The following ADGRV1 variants were observed in gnomAD, a reference collection of about 807,000 sequenced individuals.
ADGRV1 encodes G-protein coupled receptor 98.
Under a neutral mutation model 596.2 loss-of-function variants are expected in ADGRV1, and 359 were observed. The ratio of observed to expected loss-of-function variants is 0.60; its 90% CI spans 0.55 to 0.66. The LOEUF (loss-of-function observed/expected upper bound fraction) is 0.66. Ranked by LOEUF, ADGRV1 falls within the 30% of genes least tolerant of loss-of-function variation. The probability of loss-of-function intolerance (pLI) is 0.00; values close to 1 mark genes in which losing one functional copy is unlikely to be tolerated. For missense variants in ADGRV1, 7,274 were observed against 7,575.6 expected, an observed-to-expected ratio of 0.96 and a Z score of 1.48; for synonymous variants, 2,681 against 2,679.2, an observed-to-expected ratio of 1.00 and a Z score of -0.02.
At chr5:90,968,560 A>G (rs375510443) in intron 84 of ADGRV1, among the ~76,000 whole-genome samples, 28 of 152,206 alleles carry the variant, frequency 1.8e-4, no homozygotes, top group African/African-American at 6.7e-4. Context: ...TACACCACAC[A>G]TTTTTCATGG....
chr5:90,834,144 T>C (rs1033479587), intron 77 of ADGRV1, among the ~76,000 whole-genome samples: 2 of 152,204 alleles, frequency 1.3e-5, no homozygotes, highest in African/African-American at 4.8e-5. Flanking sequence ...CGTTCAGTGT[T>C]TAGTCTTTCT....
intron 83 of ADGRV1, among the ~76,000 whole-genome samples, chr5:90,904,117 A>G (rs905177627): frequency 1.3e-5 from 2 of 151,924 alleles, no homozygotes; most frequent in African/African-American, 4.8e-5. Context: ...GCTGAATAGT[A>G]CTCCATTGTG....
At chr5:90,923,567 A>C (rs1474142206) in intron 83 of ADGRV1, among the ~76,000 whole-genome samples, 3 of 152,168 alleles carry the variant, frequency 2.0e-5, no homozygotes. Flanking sequence ...CAAACAAAAC[A>C]ATACAGTCAG....
intron 21 of ADGRV1, among the ~76,000 whole-genome samples, chr5:90,661,662 A>T (rs1194573555): frequency 6.6e-6 from 1 of 152,194 alleles, no homozygotes; most frequent in Non-Finnish European, 1.5e-5. Context: ...GATGATCTGA[A>T]TATTTGGCAA....
chr5:90,785,070 A>T (rs912041053), intron 67 of ADGRV1, among the ~76,000 whole-genome samples: 3 of 152,184 alleles, frequency 2.0e-5, no homozygotes, highest in Non-Finnish European at 4.4e-5. Context: ...ACCAAAACAG[A>T]TATATAGACC....
chr5:91,040,942 C>G (rs371751032), intron 85 of ADGRV1, among the ~76,000 whole-genome samples: 12 of 152,206 alleles, frequency 7.9e-5, no homozygotes, highest in African/African-American at 2.9e-4. Context: ...CATCTTCTAC[C>G]CAATCTTCTC....
chr5:91,119,335 A>G (rs1793112664), intron 87 of ADGRV1, among the ~76,000 whole-genome samples: 1 of 152,202 alleles, frequency 6.6e-6, no homozygotes, highest in Admixed American at 6.5e-5. Context: ...GTCAGCCAAG[A>G]GTTGATTGCT....
At chr5:91,131,325 A>ATGGT (rs1459334505) in intron 87 of ADGRV1, among the ~76,000 whole-genome samples, 2 of 150,060 alleles carry the variant, frequency 1.3e-5, no homozygotes, top group African/African-American at 4.9e-5. Flanking sequence ...ATATCTCATT[A>ATGGT]TGGTTTTTAT....
At chr5:90,713,075 A>G (rs1325500226) in intron 42 of ADGRV1, among the ~76,000 whole-genome samples, 1 of 152,170 alleles carries the variant, frequency 6.6e-6, no homozygotes, top group Non-Finnish European at 1.5e-5. Flanking sequence ...ACTTCCGTTC[A>G]TTCTGATGAT....
At chr5:90,639,722 T>C (rs928232160) in intron 11 of ADGRV1, among the ~76,000 whole-genome samples, 3 of 152,114 alleles carry the variant, frequency 2.0e-5, no homozygotes, top group African/African-American at 7.2e-5. Flanking sequence ...TGAACAAGAA[T>C]GAGCAAATTA....
At chr5:90,621,876 G>T (rs1764124499) in intron 4 of ADGRV1, among the ~76,000 whole-genome samples, 1 of 152,156 alleles carries the variant, frequency 6.6e-6, no homozygotes, top group Admixed American at 6.5e-5. Flanking sequence ...CTCAGTATAT[G>T]TCAGGTACTA....
rs1235694348 is a variant in ADGRV1 at position 91,054,100 on chromosome 5, T to TGAGA, written c.18153-18346_18153-18345insAGAG. Among the ~76,000 whole-genome samples the TGAGA allele has an allele frequency of 9.9e-3, 1,074 of 108,192 alleles. 11 individuals carry two copies. The highest frequency in any genetic ancestry group is 0.029 in the African/African-American group (838 of 29,044). 71.0% of individuals were successfully genotyped at this position (108,192 alleles called of 152,430 possible). A position where few individuals can be genotyped will look rare whatever the true frequency, so the allele number is the denominator to read the frequency against. ...GTGTGTGTGTGTGTGTGTGTGTGTG[T>TGAGA]GTGAGAGAGAGAGAGAGAGAGAGAG... On this transcript the variant is annotated intron_variant, in intron 85 of 89. Coordinates refer to ENST00000405460, the MANE Select transcript of ADGRV1 (RefSeq NM_032119.4).
At chr5:90,731,502 C>G (rs1388695968) in intron 50 of ADGRV1, among the ~76,000 whole-genome samples, 2 of 152,118 alleles carry the variant, frequency 1.3e-5, no homozygotes, top group African/African-American at 4.8e-5. Flanking sequence ...TTAAGAGAGA[C>G]AAGAGAAAGC....
chr5:90,992,590 T>C (rs966865579), intron 85 of ADGRV1, among the ~76,000 whole-genome samples: 65 of 152,244 alleles, frequency 4.3e-4, no homozygotes, highest in African/African-American at 1.5e-3. Context: ...ACTTTATGTT[T>C]GAACTCTTCC....
chr5:90,720,914 C>T, intron 44 of ADGRV1, 21 bp from the exon 45 acceptor site: 1 of 1,591,164 alleles, frequency 6.3e-7, no homozygotes, highest in Non-Finnish European at 8.6e-7. Flanking sequence ...CTGCTTCCCT[C>T]AATCCATGTA....
At chr5:90,612,157 T>G (rs983978754) in intron 1 of ADGRV1, among the ~76,000 whole-genome samples, 1 of 152,020 alleles carries the variant, frequency 6.6e-6, no homozygotes, top group African/African-American at 2.4e-5. Flanking sequence ...GAGCTCTAAT[T>G]GCCTGGGAAA....
At position 90,685,597 on chromosome 5, in the gene ADGRV1, TATAAATAAATAAATAA is replaced by T. The variant is rs138476984; in HGVS notation, c.6275-153_6275-138del. Among the ~76,000 whole-genome samples, 248 of 142,276 alleles carry T rather than the reference TATAAATAAATAAATAA, an allele frequency of 1.7e-3. 1 individual carries two copies. Among genetic ancestry groups the T allele is most frequent in the African/African-American group, 5.1e-3 (194 of 38,126 alleles). 93.3% of individuals were successfully genotyped at this position (142,276 alleles called of 152,430 possible). A position where few individuals can be genotyped will look rare whatever the true frequency, so the allele number is the denominator to read the frequency against. On this transcript the variant is annotated intron_variant, in intron 28 of 89. Coordinates refer to ENST00000405460, the MANE Select transcript of ADGRV1 (RefSeq NM_032119.4). ...GCCTGCGTGGTAGAGAGTCCATCTC[TATAAATAAATAAATAA>T]ATAAATAAATAAATAAATAAATAAA...
chr5:90,790,038 T>G (rs1257050600), intron 69 of ADGRV1, among the ~76,000 whole-genome samples, 187 bp downstream of exon 69: 1 of 152,230 alleles, frequency 6.6e-6, no homozygotes, highest in Non-Finnish European at 1.5e-5. Context: ...CCTCTAGCTA[T>G]CTCTCTAAAT....
intron 85 of ADGRV1, among the ~76,000 whole-genome samples, chr5:90,997,517 A>G (rs1198238743): frequency 2.0e-5 from 3 of 152,154 alleles, no homozygotes; most frequent in Non-Finnish European, 4.4e-5. Flanking sequence ...TCTTTTCTTC[A>G]TAAATTACCT....
Sources: allele counts gnomAD v4.1 joint callset (sites outside exome capture counted in the v4.1 genomes callset), GRCh38; gene constraint gnomAD v4.1.1; transcripts MANE v1.5; gene names NCBI Gene and HGNC (gene_info 2026-07-23, HGNC 2026-07-21).